GSE1: variants seen among roughly 807,000 people sequenced by gnomAD.
GSE1 encodes the protein genetic suppressor element 1.
Under a neutral mutation model 112.6 loss-of-function variants are expected in GSE1, and 32 were observed. The observed-to-expected ratio is 0.28, with a 90% CI of 0.21 to 0.38. The LOEUF (loss-of-function observed/expected upper bound fraction) is 0.38. Among genes scored for constraint, GSE1 ranks in the 10% least tolerant of loss-of-function variants. The pLI, the probability that GSE1 is intolerant of heterozygous loss-of-function variation, is 1.00. For synonymous variants in GSE1, 1,115 were observed against 735.6 expected (o/e 1.52, Z -8.35); for missense variants, 2,348 against 1,699.2 (o/e 1.38, Z -6.71).
At chr16:85,575,777 A>T (rs2046204018) in intron 1 of GSE1, among the ~76,000 whole-genome samples, 1 of 152,198 alleles carries the variant, frequency 6.6e-6, no homozygotes, top group South Asian at 2.1e-4. Context: ...GATTATCACT[A>T]TATAGCAGAA....
intron 1 of GSE1, among the ~76,000 whole-genome samples, chr16:85,620,020 G>A (rs895327922): frequency 6.6e-5 from 10 of 152,178 alleles, no homozygotes; most frequent in South Asian, 2.1e-4. Flanking sequence ...TGCTTATGGG[G>A]TGCGGTGGCT....
At chr16:85,661,795 CAG>C in intron 9 of GSE1, 30 bp downstream of exon 9, 2 of 1,471,502 alleles carry the variant, frequency 1.4e-6, no homozygotes, top group Non-Finnish European at 1.8e-6. Flanking sequence ...CCGAGCTGCT[CAG>C]GGAGAGCCGC....
At chr16:85,571,015 G>A (rs895723811) in intron 1 of GSE1, among the ~76,000 whole-genome samples, 4 of 152,348 alleles carry the variant, frequency 2.6e-5, no homozygotes, top group African/African-American at 9.6e-5. Context: ...TTTGAAAAGG[G>A]AAGGTGGGGG....
At chr16:85,390,051 C>G (rs1053586938) in intron 2 of GSE1, among the ~76,000 whole-genome samples, 1 of 152,242 alleles carries the variant, frequency 6.6e-6, no homozygotes, top group African/African-American at 2.4e-5. Context: ...GGCTGGGATT[C>G]AGCTGCAGAT....
intron 1 of GSE1, among the ~76,000 whole-genome samples, chr16:85,230,994 CAGAT>C (rs948462459): frequency 6.1e-5 from 9 of 148,056 alleles, no homozygotes; most frequent in African/African-American, 7.6e-5. Flanking sequence ...GATAGAAGGA[CAGAT>C]GGATGGATGG....
Position 85,399,307 on chromosome 16 carries a change from C to T in GSE1, c.2464+41664C>T, listed in dbSNP as rs770087581. Among the ~76,000 whole-genome samples, 5 of 152,202 alleles carry T rather than the reference C, an allele frequency of 3.3e-5. No homozygotes were observed. The South Asian group carries it at 6.2e-4, about 19-fold the overall frequency. ...CCCCCAGCACAGAGTCCTCTCAGGC[C>T]GCCCCGAGTGGGGCCCTCTGCACGT... On this transcript the variant is annotated intron_variant, in intron 2 of 2. Coordinates refer to the GSE1 transcript ENST00000637419.
chr16:85,463,133 C>T (rs904369431), intron 2 of GSE1: 4 of 983,558 alleles, frequency 4.1e-6, no homozygotes, highest in African/African-American at 1.7e-5. Context: ...TCAGTAAGTG[C>T]CCAGCTCACC....
chr16:85,397,825 G>A (rs190604786), intron 2 of GSE1, among the ~76,000 whole-genome samples: 10 of 152,292 alleles, frequency 6.6e-5, no homozygotes, highest in Admixed American at 5.2e-4. Flanking sequence ...TTAAATTCAG[G>A]AGCTTCCCCT....
intron 2 of GSE1, among the ~76,000 whole-genome samples, chr16:85,374,327 G>T (rs1424573397): frequency 6.6e-6 from 1 of 151,124 alleles, no homozygotes; most frequent in Non-Finnish European, 1.5e-5. Context: ...GTGTGTGTCA[G>T]TGTGCCTCTG....
chr16:85,655,740 A>G lies in GSE1; in HGVS notation c.812A>G (p.Tyr271Cys). 1 of 1,604,688 alleles carries G rather than the reference A, an allele frequency of 6.2e-7. No individual in the cohort carries two copies. Among genetic ancestry groups the G allele is most frequent in the Non-Finnish European group, 8.5e-7 (1 of 1,175,598 alleles). The change falls in exon 6 of 16, where the codon TAC becomes TGC. Residue 271 changes from tyrosine (Y) to cysteine (C), a missense_variant. Tyr to Cys is a radical substitution (Grantham distance 194). Transcript: ENST00000253458. ...PHPAFRMDDSYCLSALRSPFY... is the reference protein window; with the variant it reads ...PHPAFRMDDSCCLSALRSPFY... ...TCTCTGCACAGGATGGACGACTCCT[A>G]CTGCCTGTCTGCCCTGAGGTCCCCG...
At chr16:85,606,818 G>T (rs576482738), upstream of GSE1, among the ~76,000 whole-genome samples, 8 of 152,338 alleles carry the variant, frequency 5.3e-5, no homozygotes, top group South Asian at 1.4e-3. Context: ...GGTATGTGTG[G>T]GGGGTGCTCA....
At chr16:85,269,231 G>A (rs955572594) in intron 1 of GSE1, among the ~76,000 whole-genome samples, 3 of 149,430 alleles carry the variant, frequency 2.0e-5, no homozygotes, top group African/African-American at 7.3e-5. Flanking sequence ...TTTGATTGAC[G>A]GGAGGTGGCC....
Position 85,672,557 on chromosome 16 carries a change from G to C in GSE1, c.*18G>C. On this transcript the variant is annotated 3_prime_UTR_variant, in exon 16 of 16. Coordinates refer to ENST00000253458, the MANE Select transcript of GSE1 (RefSeq NM_014615.5). ...CCAGGTGACGGTTTCCCTTGCACTA[G>C]GCCGAACCTATAGTATAGAAATATT... The C allele has an allele frequency of 2.6e-6, 4 of 1,561,770 alleles. No individual in the cohort carries two copies. Among genetic ancestry groups the C allele is most frequent in the Non-Finnish European group, 3.5e-6 (4 of 1,141,276 alleles).
chr16:85,506,562 G>T (rs566569226), intron 2 of GSE1, among the ~76,000 whole-genome samples: 10 of 152,108 alleles, frequency 6.6e-5, no homozygotes, highest in Non-Finnish European at 1.5e-4. Flanking sequence ...TGCAGAAGGC[G>T]TGTTTTGAGG....
rs770026074 is a variant in GSE1 at position 85,634,113 on chromosome 16, A to G, written c.207A>G (p.Lys69=). ...SFAAALRKLA[K]QAEEPRGSSL... is the part of the protein sequence containing the mutation. The stretch of plus-strand genomic sequence containing the variant: ...CCGCCGCGCTGCGCAAGCTCGCCAA[A>G]CAGGCGGAGGAGCCCAGAGGTAAGG... The change falls in exon 2 of 16, where the codon AAA becomes AAG. Residue 69 remains lysine (K), a synonymous_variant. Transcript: ENST00000253458. 3.9e-6 allele frequency: 6 copies of G among 1,553,714 alleles called. No individual in the cohort carries two copies. The African/African-American group carries it at 5.5e-5, about 14-fold the overall frequency.
At chr16:85,480,752 G>T (rs76319930) in intron 2 of GSE1, among the ~76,000 whole-genome samples, 1 of 152,128 alleles carries the variant, frequency 6.6e-6, no homozygotes, top group African/African-American at 2.4e-5. Context: ...GGCCAGCACT[G>T]TCGGTCAGGT....
At chr16:85,230,070 C>A (rs180856091) in intron 1 of GSE1, among the ~76,000 whole-genome samples, 1 of 152,204 alleles carries the variant, frequency 6.6e-6, no homozygotes, top group Non-Finnish European at 1.5e-5. Context: ...ATGGCTGCTG[C>A]GTGGGCAGCT....
Position 85,398,403 on chromosome 16 carries a change from C to A in GSE1, c.2464+40760C>A, listed in dbSNP as rs571167187. Among the ~76,000 whole-genome samples the A allele has an allele frequency of 1.7e-4, 26 of 152,258 alleles. No individual in the cohort carries two copies. In the South Asian group the frequency reaches 5.2e-3, roughly 30 times the overall value. On this transcript the variant is annotated intron_variant, in intron 2 of 2. Transcript: ENST00000637419. ...AGGAGGTGGAGGGGAAGTGTGCCAG[C>A]TCCCAGTCAGCAGGTCTGGGTCCAG... is the stretch of plus-strand genomic sequence containing the variant.
At chr16:85,574,743 A>C (rs886415374) in intron 1 of GSE1, among the ~76,000 whole-genome samples, 3 of 152,114 alleles carry the variant, frequency 2.0e-5, no homozygotes. Flanking sequence ...GGCTCTGCTG[A>C]GATTTGGCTG....
Sources: gnomAD v4.1 joint callset for allele counts (sites outside exome capture counted in the v4.1 genomes callset) on GRCh38, gnomAD v4.1.1 for gene constraint, MANE v1.5 for transcripts, NCBI Gene and HGNC (gene_info 2026-07-23, HGNC 2026-07-21) for gene names.